Variants in BMPR1B observed in about 807,000 individuals in gnomAD.
BMPR1B encodes bone morphogenetic protein receptor type-1B.
In BMPR1B, 12 loss-of-function variants were observed where a neutral mutation model predicts 59.1. That is an observed-to-expected ratio of 0.20 (90% CI 0.13 to 0.33). The LOEUF is 0.33. Among genes scored for constraint, BMPR1B ranks in the 10% least tolerant of loss-of-function variants. The pLI is 1.00. For synonymous variants in BMPR1B, 237 were observed against 207.3 expected, an observed-to-expected ratio of 1.14 and a Z score of -1.23; for missense variants, 550 against 610.9, an observed-to-expected ratio of 0.90 and a Z score of 1.05.
chr4:94,888,360 TAAATC>T (rs1270490988), intron 2 of BMPR1B, among the ~76,000 whole-genome samples: 4 of 151,968 alleles, frequency 2.6e-5, no homozygotes, highest in African/African-American at 9.7e-5. Flanking sequence ...ATATGCCAAT[TAAATC>T]AGAGAAGAGG....
chr4:95,123,499 A>G (rs554325677), intron 6 of BMPR1B, among the ~76,000 whole-genome samples: 21 of 152,240 alleles, frequency 1.4e-4, no homozygotes, highest in East Asian at 1.9e-4. Flanking sequence ...ACCTGTTTCT[A>G]TTGTGGGTGC....
intron 1 of BMPR1B, among the ~76,000 whole-genome samples, chr4:94,793,116 A>AC: frequency 6.6e-6 from 1 of 152,128 alleles, no homozygotes; most frequent in East Asian, 1.9e-4. Context: ...CGCTGCACCC[A>AC]CTATCTCGTC....
Position 95,129,951 on chromosome 4 carries a change from C to A in BMPR1B, c.675C>A (p.Gly225=). 6.2e-7 allele frequency: 1 copy of A among 1,613,768 alleles called. No individual in the cohort carries two copies. Among genetic ancestry groups the A allele is most frequent in the South Asian group, 1.1e-5 (1 of 91,072 alleles). Residue 225 remains glycine, a synonymous_variant, in exon 9 of 13, where the codon GGC becomes GGA. Coordinates refer to ENST00000515059, the MANE Select transcript of BMPR1B (RefSeq NM_001203.3). Reference sequence around the variant, plus strand: ...AAGTTTGGATGGGAAAGTGGCGTGGCGAAAAGGTAGCTGTGAAAGTGTTCT... The same window carrying A: ...AAGTTTGGATGGGAAAGTGGCGTGGAGAAAAGGTAGCTGTGAAAGTGTTCT... ...YGEVWMGKWR[G]EKVAVKVFFT...
At chr4:95,148,338 G>A (rs997158587) in intron 10 of BMPR1B, among the ~76,000 whole-genome samples, 2 of 151,998 alleles carry the variant, frequency 1.3e-5, no homozygotes, top group African/African-American at 4.8e-5. Flanking sequence ...GTTGTTTAGG[G>A]TATAAATTTG....
At chr4:95,146,347 A>G (rs1035744796) in intron 10 of BMPR1B, among the ~76,000 whole-genome samples, 1 of 152,144 alleles carries the variant, frequency 6.6e-6, no homozygotes, top group Non-Finnish European at 1.5e-5. Flanking sequence ...AAGAATTTAG[A>G]GATGAACTAT....
chr4:94,961,049 T>A (rs1324858090), intron 2 of BMPR1B, among the ~76,000 whole-genome samples: 2 of 152,184 alleles, frequency 1.3e-5, no homozygotes, highest in African/African-American at 4.8e-5. Context: ...GGAGTTGCCT[T>A]AACAGACCTG....
chr4:95,050,347 A>G (rs1228076936), intron 3 of BMPR1B, among the ~76,000 whole-genome samples: 1 of 152,166 alleles, frequency 6.6e-6, no homozygotes, highest in Non-Finnish European at 1.5e-5. Flanking sequence ...AGTTTAGTAA[A>G]CTTAGAGTAG....
At chr4:94,990,860 C>T (rs1238893001) in intron 2 of BMPR1B, among the ~76,000 whole-genome samples, 3 of 152,118 alleles carry the variant, frequency 2.0e-5, no homozygotes, top group Non-Finnish European at 4.4e-5. Flanking sequence ...TTTTTCTTTT[C>T]TTCGTGGCCG....
In BMPR1B at chr4:94,974,991, C is replaced by T. The variant is rs575669420; in HGVS notation, c.-112-21049C>T. Among the ~76,000 whole-genome samples, 10 of 152,242 alleles carry T rather than the reference C, an allele frequency of 6.6e-5. No homozygotes were observed. The South Asian group carries it at 1.9e-3, about 28-fold the overall frequency. Reference sequence around the variant, plus strand: ...CTGAGTCAGACAGATTACACATAGCCCAAGATATAGCCAGGAAACCACTTC... The same window carrying T: ...CTGAGTCAGACAGATTACACATAGCTCAAGATATAGCCAGGAAACCACTTC... On this transcript the variant is annotated intron_variant, in intron 2 of 12. Transcript: ENST00000515059.
intron 1 of BMPR1B, among the ~76,000 whole-genome samples, chr4:94,800,801 T>C (rs918765206): frequency 3.9e-5 from 6 of 152,226 alleles, no homozygotes; most frequent in Admixed American, 6.5e-5. Flanking sequence ...ACTCATGATT[T>C]TTGATTTAGC....
chr4:94,926,555 G>C (rs1728897296), intron 2 of BMPR1B, among the ~76,000 whole-genome samples: 1 of 152,052 alleles, frequency 6.6e-6, no homozygotes, highest in South Asian at 2.1e-4. Context: ...TTCTTAATTT[G>C]TTTCTCTCAC....
chr4:95,045,551 G>T (rs1725986464), intron 3 of BMPR1B, among the ~76,000 whole-genome samples: 1 of 152,080 alleles, frequency 6.6e-6, no homozygotes, highest in Non-Finnish European at 1.5e-5. Context: ...TGTACTGCCT[G>T]TTCTCTTTGC....
At chr4:94,895,120 G>A (rs1560536023) in intron 2 of BMPR1B, among the ~76,000 whole-genome samples, 1 of 151,986 alleles carries the variant, frequency 6.6e-6, no homozygotes. Context: ...ATGTAAACAA[G>A]TATCACAAAA....
At chr4:94,935,659 A>G (rs957451142) in intron 2 of BMPR1B, among the ~76,000 whole-genome samples, 21 of 152,230 alleles carry the variant, frequency 1.4e-4, no homozygotes, top group Admixed American at 1.3e-3. Context: ...TCAGAGAGGT[A>G]ATCTTAGAGC....
intron 4 of BMPR1B, among the ~76,000 whole-genome samples, chr4:95,107,168 C>T (rs1163496837): frequency 6.6e-6 from 1 of 152,042 alleles, no homozygotes; most frequent in South Asian, 2.1e-4. Context: ...ACATTTAATG[C>T]TTGGGTAAAG....
chr4:95,088,946 C>T (rs1729787055), intron 3 of BMPR1B, among the ~76,000 whole-genome samples: 1 of 152,180 alleles, frequency 6.6e-6, no homozygotes, highest in South Asian at 2.1e-4. Context: ...GTTTTCATAA[C>T]TGAAGTACCA....
intron 3 of BMPR1B, among the ~76,000 whole-genome samples, chr4:95,010,423 A>G (rs751180600): frequency 6.6e-5 from 10 of 152,134 alleles, no homozygotes; most frequent in Non-Finnish European, 1.3e-4. Flanking sequence ...TTTTGGAACC[A>G]TATCTCTCTA....
chr4:94,785,397 G>A (rs188484676), intron 1 of BMPR1B, among the ~76,000 whole-genome samples: 4 of 152,310 alleles, frequency 2.6e-5, no homozygotes, highest in African/African-American at 7.2e-5. Context: ...ACTGCTAGTC[G>A]TCAGGGAGCT....
At chr4:95,003,402 C>T (rs1437683385) in intron 3 of BMPR1B, among the ~76,000 whole-genome samples, 1 of 151,990 alleles carries the variant, frequency 6.6e-6, no homozygotes, top group Admixed American at 6.6e-5. Context: ...ACATTTTTAT[C>T]TCTGTGGAAT....
Sources: allele counts gnomAD v4.1 joint callset (sites outside exome capture counted in the v4.1 genomes callset), GRCh38; gene constraint gnomAD v4.1.1; transcripts MANE v1.5; gene names NCBI Gene and HGNC (gene_info 2026-07-23, HGNC 2026-07-21).